Variants in ADGRB3 observed in about 807,000 individuals in gnomAD.
ADGRB3 encodes the protein brain-specific angiogenesis inhibitor 3.
A neutral mutation model predicts 193.4 loss-of-function variants in ADGRB3; 37 were observed. The ratio of observed to expected loss-of-function variants is 0.19; its 90% CI spans 0.15 to 0.25. The LOEUF is 0.25. Among genes scored for constraint, ADGRB3 ranks in the 10% least tolerant of loss-of-function variants. The probability of loss-of-function intolerance (pLI) is 1.00; values close to 1 mark genes in which losing one functional copy is unlikely to be tolerated. For synonymous variants in ADGRB3, 690 were observed against 644.2 expected (o/e 1.07, Z -1.08); for missense variants, 1,637 against 1,852.9 (o/e 0.88, Z 2.14).
At chr6:68,705,549 GTC>G (rs1765312759) in intron 3 of ADGRB3, among the ~76,000 whole-genome samples, 1 of 152,164 alleles carries the variant, frequency 6.6e-6, no homozygotes, top group Non-Finnish European at 1.5e-5. Flanking sequence ...CTCACTCTGT[GTC>G]TGTCAGTGCC....
chr6:69,319,691 C>T (rs535074224), intron 20 of ADGRB3, among the ~76,000 whole-genome samples: 1 of 151,254 alleles, frequency 6.6e-6, no homozygotes, highest in South Asian at 2.1e-4. Flanking sequence ...TGAAAAGTCC[C>T]TCTTCATCTT....
At position 68,809,746 on chromosome 6, in the gene ADGRB3, T is replaced by A. The variant is rs143717594; in HGVS notation, c.758-120813T>A. ...TTAATTATTAATGAAAAAACACAGG[T>A]CCTGTGGATCTCTTTTTAACATGTG... On this transcript the variant is annotated intron_variant, in intron 3 of 31. Coordinates refer to ENST00000370598, the MANE Select transcript of ADGRB3 (RefSeq NM_001704.3). Among the ~76,000 whole-genome samples, 40 of 152,266 alleles carry A rather than the reference T, an allele frequency of 2.6e-4. No individual in the cohort carries two copies. The East Asian group carries it at 7.3e-3, about 28-fold the overall frequency.
rs182381069 is a variant in ADGRB3, at chr6:68,896,122, T to C, written c.758-34437T>C. On this transcript the variant is annotated intron_variant, in intron 3 of 31. Coordinates refer to ENST00000370598, the MANE Select transcript of ADGRB3 (RefSeq NM_001704.3). Reference sequence around the variant, plus strand: ...AAGAACATACACACTTGGTAAGGAGTAGGAGGATAGGAATTTAGGTACAAG... The same window carrying C: ...AAGAACATACACACTTGGTAAGGAGCAGGAGGATAGGAATTTAGGTACAAG... Among the ~76,000 whole-genome samples, 335 of 151,876 alleles carry C rather than the reference T, an allele frequency of 2.2e-3. 2 individuals are homozygous for C. Among genetic ancestry groups the C allele is most frequent in the African/African-American group, 7.6e-3 (313 of 41,410 alleles).
At chr6:69,001,459 A>T (rs771718533) in intron 11 of ADGRB3, among the ~76,000 whole-genome samples, 24 of 152,200 alleles carry the variant, frequency 1.6e-4, no homozygotes, top group Admixed American at 3.3e-4. Flanking sequence ...TTTTAGAAAG[A>T]TGGTCTGAAA....
chr6:69,300,614 T>G lies in ADGRB3; in HGVS notation c.2815-24258T>G, dbSNP rs531800551. 8.6e-5 allele frequency among the ~76,000 whole-genome samples: 13 copies of G among 151,912 alleles called. No homozygotes were observed. The South Asian group carries it at 2.7e-3, about 31-fold the overall frequency. Reference sequence around the variant, plus strand: ...TATTAGAACTGATAAACAAATTTAGTACAGTTGCAGAATACAAAAGCAACA... The same window carrying G: ...TATTAGAACTGATAAACAAATTTAGGACAGTTGCAGAATACAAAAGCAACA... On this transcript the variant is annotated intron_variant, in intron 20 of 31. Transcript: ENST00000370598.
intron 3 of ADGRB3, among the ~76,000 whole-genome samples, chr6:68,888,370 T>G (rs921438679): frequency 6.6e-6 from 1 of 152,184 alleles, no homozygotes; most frequent in Non-Finnish European, 1.5e-5. Context: ...GAATTCATTC[T>G]TGTATTTTTC....
At chr6:69,346,488 A>G (rs530533356) in intron 26 of ADGRB3, among the ~76,000 whole-genome samples, 1 of 152,336 alleles carries the variant, frequency 6.6e-6, no homozygotes, top group African/African-American at 2.4e-5. Context: ...AGAATCTACA[A>G]GGAACTTAAA....
chr6:68,931,361 G>A (rs1767333589), intron 4 of ADGRB3, among the ~76,000 whole-genome samples: 1 of 151,772 alleles, frequency 6.6e-6, no homozygotes, highest in Admixed American at 6.6e-5. Context: ...CCATTATTTA[G>A]TTACAGAATT....
intron 3 of ADGRB3, among the ~76,000 whole-genome samples, chr6:68,744,782 A>T (rs1766050265): frequency 6.6e-6 from 1 of 152,160 alleles, no homozygotes; most frequent in South Asian, 2.1e-4. Flanking sequence ...GAAATGCCTA[A>T]TGTAGGTTGT....
chr6:69,189,832 A>G (rs1658043722), intron 17 of ADGRB3, among the ~76,000 whole-genome samples: 1 of 152,166 alleles, frequency 6.6e-6, no homozygotes, highest in Admixed American at 6.6e-5. Context: ...AACCGTAGTA[A>G]TGTTGTATAC....
At chr6:69,253,904 T>C (rs1766685925) in intron 20 of ADGRB3, among the ~76,000 whole-genome samples, 1 of 152,126 alleles carries the variant, frequency 6.6e-6, no homozygotes, top group Non-Finnish European at 1.5e-5. Flanking sequence ...GCCATTTTTT[T>C]CTTTAGGCAT....
chr6:69,288,942 A>G lies in ADGRB3; in HGVS notation c.2815-35930A>G, dbSNP rs867792894. 2.0e-4 allele frequency among the ~76,000 whole-genome samples: 31 copies of G among 152,250 alleles called. 1 individual carries two copies. Among genetic ancestry groups the G allele is most frequent in the African/African-American group, 7.2e-4 (30 of 41,568 alleles). ...TGTACTCCATACTTCCTTTCCCATG[A>G]CATTCCATTTGTGTGTACACCCCCA... On this transcript the variant is annotated intron_variant, in intron 20 of 31. Transcript: ENST00000370598.
chr6:68,941,831 A>G (rs1767651082), intron 5 of ADGRB3, among the ~76,000 whole-genome samples: 1 of 151,390 alleles, frequency 6.6e-6, no homozygotes, highest in South Asian at 2.1e-4. Flanking sequence ...ATAATTGATC[A>G]TATATACATA....
chr6:69,308,929 G>C (rs1768122370), intron 20 of ADGRB3, among the ~76,000 whole-genome samples: 1 of 151,544 alleles, frequency 6.6e-6, no homozygotes, highest in Non-Finnish European at 1.5e-5. Flanking sequence ...TATGACCTCA[G>C]CTAAAACCAA....
At chr6:69,146,821 C>CT (rs756561473) in intron 17 of ADGRB3, among the ~76,000 whole-genome samples, 37,414 of 103,204 alleles carry the variant, frequency 0.36, 6,580 homozygotes, top group East Asian at 0.72. Flanking sequence ...CTCATTACTT[C>CT]TTTTTTTTTT....
chr6:68,836,047 AC>A (rs2127385581), intron 3 of ADGRB3, among the ~76,000 whole-genome samples: 1 of 152,154 alleles, frequency 6.6e-6, no homozygotes, highest in East Asian at 1.9e-4. Flanking sequence ...TCTGCATATC[AC>A]CAGTTCTGAA....
chr6:69,334,678 T>C (rs1451861182), intron 24 of ADGRB3, among the ~76,000 whole-genome samples: 1 of 152,222 alleles, frequency 6.6e-6, no homozygotes, highest in Non-Finnish European at 1.5e-5. Flanking sequence ...AGATTAATCA[T>C]GTAAGAATAT....
chr6:68,892,061 TTTAG>T (rs1306063700), intron 3 of ADGRB3, among the ~76,000 whole-genome samples: 3 of 152,316 alleles, frequency 2.0e-5, no homozygotes, highest in East Asian at 1.9e-4. Context: ...TTTATGGAAT[TTTAG>T]TTAGTTTAAA....
chr6:69,084,330 A>G (rs905314751), intron 17 of ADGRB3, among the ~76,000 whole-genome samples: 2 of 152,236 alleles, frequency 1.3e-5, no homozygotes, highest in African/African-American at 4.8e-5. Flanking sequence ...ATTACAAAAG[A>G]AAGAAAAACC....
Sources: gnomAD v4.1 joint callset for allele counts (sites outside exome capture counted in the v4.1 genomes callset) on GRCh38, gnomAD v4.1.1 for gene constraint, MANE v1.5 for transcripts, NCBI Gene and HGNC (gene_info 2026-07-23, HGNC 2026-07-21) for gene names.